The following RAD51B variants were observed in gnomAD, a reference collection of about 807,000 sequenced individuals.
RAD51B encodes RAD51 paralog B.
RAD51B carries 38 observed loss-of-function variants against 42.2 expected under a neutral mutation model. The ratio of observed to expected loss-of-function variants is 0.90; its 90% CI spans 0.70 to 1.18. The LOEUF (loss-of-function observed/expected upper bound fraction) is 1.18. Ranked by LOEUF, RAD51B falls within the 50% of genes most tolerant of loss-of-function variation. The pLI, the probability that RAD51B is intolerant of heterozygous loss-of-function variation, is 0.00. For missense variants in RAD51B, 373 were observed against 400.7 expected (o/e 0.93, Z 0.59); for synonymous variants, 154 against 145.2 (o/e 1.06, Z -0.43).
chr14:68,499,647 T>G lies in RAD51B; in HGVS notation c.1036+31397T>G, dbSNP rs1884783858. Among the ~76,000 whole-genome samples the G allele has an allele frequency of 2.0e-5, 3 of 152,134 alleles. No homozygotes were observed. The South Asian group carries it at 6.2e-4, about 32-fold the overall frequency. The stretch of plus-strand genomic sequence containing the variant: ...CATCCTGAACTACCCAGGTGGGCCC[T>G]AAATCTAATGACAAGCATCCTGATA... On this transcript the variant is annotated intron_variant, in intron 10 of 10. Transcript: ENST00000487270.
intron 7 of RAD51B, among the ~76,000 whole-genome samples, chr14:68,117,793 A>G (rs1044105267): frequency 5.9e-5 from 9 of 152,190 alleles, no homozygotes; most frequent in African/African-American, 2.2e-4. Flanking sequence ...CATAAGGTAC[A>G]CTGTTTAAAT....
At chr14:68,344,869 C>T (rs570453577) in intron 8 of RAD51B, among the ~76,000 whole-genome samples, 17 of 150,704 alleles carry the variant, frequency 1.1e-4, no homozygotes, top group South Asian at 8.4e-4. Context: ...ATGGCGTGAA[C>T]CCAGGAGGCG....
At chr14:68,227,741 G>T (rs150466287) in intron 7 of RAD51B, among the ~76,000 whole-genome samples, 115 of 152,230 alleles carry the variant, frequency 7.6e-4, no homozygotes, top group Middle Eastern at 3.4e-3. Flanking sequence ...TACATATTCA[G>T]ATTCTATAGT....
chr14:68,300,860 A>G (rs2081717845), intron 8 of RAD51B, among the ~76,000 whole-genome samples: 1 of 152,240 alleles, frequency 6.6e-6, no homozygotes, highest in Non-Finnish European at 1.5e-5. Flanking sequence ...GCCATGATCT[A>G]TCCACTGCTT....
chr14:68,401,228 G>T (rs1330162190), intron 8 of RAD51B, among the ~76,000 whole-genome samples: 1 of 152,132 alleles, frequency 6.6e-6, no homozygotes, highest in African/African-American at 2.4e-5. Context: ...TTTTCTCAGG[G>T]CAAGCTCAGT....
intron 7 of RAD51B, among the ~76,000 whole-genome samples, chr14:68,160,506 T>C (rs953314139): frequency 1.3e-5 from 2 of 152,218 alleles, no homozygotes; most frequent in African/African-American, 4.8e-5. Context: ...CCAAGTCATA[T>C]TGGAGCCTGA....
intron 7 of RAD51B, among the ~76,000 whole-genome samples, chr14:68,184,619 A>C (rs554606369): frequency 0.04 from 2,653 of 66,700 alleles, 96 homozygotes; most frequent in African/African-American, 0.084. Context: ...AAAAAAAAAA[A>C]AAAACCAAAA....
intron 7 of RAD51B, among the ~76,000 whole-genome samples, chr14:68,159,842 A>G (rs1387993262): frequency 6.6e-6 from 1 of 151,908 alleles, no homozygotes; most frequent in African/African-American, 2.4e-5. Context: ...TCATTTTCCT[A>G]TTTTTGGGAA....
intron 7 of RAD51B, among the ~76,000 whole-genome samples, chr14:68,243,670 A>T (rs1012677945): frequency 3.9e-5 from 6 of 152,192 alleles, no homozygotes; most frequent in African/African-American, 1.2e-4. Context: ...CCCTTTACAT[A>T]TGAATTCACA....
At chr14:68,603,156 A>G (rs2140096804) in intron 10 of RAD51B, among the ~76,000 whole-genome samples, 1 of 152,286 alleles carries the variant, frequency 6.6e-6, no homozygotes, top group Middle Eastern at 3.4e-3. Flanking sequence ...AATCCCCCAT[A>G]GTACCCAATG....
intron 7 of RAD51B, among the ~76,000 whole-genome samples, chr14:67,975,501 C>T (rs1286067833): frequency 2.0e-5 from 3 of 152,164 alleles, no homozygotes; most frequent in Non-Finnish European, 2.9e-5. Flanking sequence ...ATACTTTAGA[C>T]CTGTTAAAAG....
chr14:68,361,293 T>C (rs979764249), intron 8 of RAD51B, among the ~76,000 whole-genome samples: 1 of 152,210 alleles, frequency 6.6e-6, no homozygotes, highest in African/African-American at 2.4e-5. Flanking sequence ...CCCAGGGTCA[T>C]AGAGCTAACA....
chr14:68,676,567 A>G (rs1461752492), intron 11 of RAD51B, among the ~76,000 whole-genome samples: 1 of 152,256 alleles, frequency 6.6e-6, no homozygotes, highest in Non-Finnish European at 1.5e-5. Context: ...AGTTGCAAGA[A>G]GTAGCTGCAA....
chr14:68,332,598 C>T (rs1268145603), intron 8 of RAD51B, among the ~76,000 whole-genome samples: 3 of 152,128 alleles, frequency 2.0e-5, no homozygotes, highest in Non-Finnish European at 2.9e-5. Context: ...GGGGAAGGAG[C>T]TTATAACTAT....
At chr14:68,237,732 CTTTTTTTTTTTTT>C (rs57490316) in intron 7 of RAD51B, among the ~76,000 whole-genome samples, 1 of 74,096 alleles carries the variant, frequency 1.3e-5, no homozygotes, top group Non-Finnish European at 2.7e-5. Flanking sequence ...TTTCATTTCT[CTTTTTTTTTTTTT>C]TTTTTTTTTG....
intron 10 of RAD51B, among the ~76,000 whole-genome samples, chr14:68,534,740 C>T (rs1887513007): frequency 6.6e-6 from 1 of 152,026 alleles, no homozygotes; most frequent in South Asian, 2.1e-4. Flanking sequence ...ATCTGTCCTC[C>T]CGCTCCCACC....
chr14:67,895,129 G>A (rs2043369080), intron 7 of RAD51B, among the ~76,000 whole-genome samples: 1 of 152,118 alleles, frequency 6.6e-6, no homozygotes, highest in African/African-American at 2.4e-5. Context: ...GATAGGTAGT[G>A]GTTAAATTCA....
intron 10 of RAD51B, among the ~76,000 whole-genome samples, chr14:68,637,568 A>G (rs759717063): frequency 2.0e-5 from 3 of 152,192 alleles, no homozygotes; most frequent in Non-Finnish European, 4.4e-5. Flanking sequence ...AATTTGCAGA[A>G]GTGAGGGAAT....
At chr14:68,269,680 C>T (rs1338767020) in intron 7 of RAD51B, among the ~76,000 whole-genome samples, 1 of 152,218 alleles carries the variant, frequency 6.6e-6, no homozygotes, top group East Asian at 1.9e-4. Flanking sequence ...TCTCACTCTA[C>T]AAGGGCAGAA....
Sources: gnomAD v4.1 joint callset for allele counts (sites outside exome capture counted in the v4.1 genomes callset) on GRCh38, gnomAD v4.1.1 for gene constraint, MANE v1.5 for transcripts, NCBI Gene and HGNC (gene_info 2026-07-23, HGNC 2026-07-21) for gene names.